The following GRM8 variants were observed in gnomAD, a reference collection of about 807,000 sequenced individuals.
GRM8 encodes metabotropic glutamate receptor 8.
GRM8 carries 47 observed loss-of-function variants against 87.2 expected under a neutral mutation model. That is an observed-to-expected ratio of 0.54 (90% confidence interval 0.43 to 0.69). The LOEUF is 0.69. Ranked by LOEUF, GRM8 falls within the 30% of genes least tolerant of loss-of-function variation. The probability of loss-of-function intolerance (pLI) is 0.00; values close to 1 mark genes in which losing one functional copy is unlikely to be tolerated. For synonymous variants in GRM8, 396 were observed against 404.5 expected (o/e 0.98, Z 0.25); for missense variants, 1,019 against 1,139.2 (o/e 0.89, Z 1.52).
intron 6 of GRM8, among the ~76,000 whole-genome samples, chr7:126,783,179 CT>C (rs1409759832): frequency 6.6e-6 from 1 of 152,130 alleles, no homozygotes; most frequent in Non-Finnish European, 1.5e-5. Flanking sequence ...GTATTATTTT[CT>C]CCCCCAATGA....
intron 8 of GRM8, among the ~76,000 whole-genome samples, chr7:126,549,860 T>C (rs572510568): frequency 6.6e-6 from 1 of 152,214 alleles, no homozygotes; most frequent in Admixed American, 6.5e-5. Flanking sequence ...CTGAAACATG[T>C]GAGAAACCTA....
chr7:127,101,392 C>A (rs1825231161), intron 3 of GRM8, among the ~76,000 whole-genome samples: 1 of 152,158 alleles, frequency 6.6e-6, no homozygotes, highest in African/African-American at 2.4e-5. Context: ...ATCTCATGTG[C>A]AATTGTAATC....
intron 3 of GRM8, among the ~76,000 whole-genome samples, chr7:127,065,357 G>A (rs1821005409): frequency 6.6e-6 from 1 of 152,122 alleles, no homozygotes; most frequent in African/African-American, 2.4e-5. Context: ...ACACACTAGA[G>A]GCTACTTGAG....
intron 7 of GRM8, among the ~76,000 whole-genome samples, chr7:126,661,088 T>C (rs1805111063): frequency 6.6e-6 from 1 of 152,154 alleles, no homozygotes. Context: ...TAAGACATAG[T>C]ATTTGATAGC....
intron 2 of GRM8, among the ~76,000 whole-genome samples, chr7:127,107,265 TCA>T (rs1178082067): frequency 6.6e-5 from 10 of 152,234 alleles, no homozygotes; most frequent in African/African-American, 2.4e-4. Flanking sequence ...ATTGATATAA[TCA>T]GAGTGCCACA....
chr7:127,117,104 A>T (rs1175359016), intron 2 of GRM8, among the ~76,000 whole-genome samples: 1 of 152,212 alleles, frequency 6.6e-6, no homozygotes, highest in African/African-American at 2.4e-5. Flanking sequence ...TACTTATATT[A>T]CTTATAAGCT....
At chr7:127,218,072 A>C (rs1796683809) in intron 2 of GRM8, among the ~76,000 whole-genome samples, 1 of 152,206 alleles carries the variant, frequency 6.6e-6, no homozygotes. Flanking sequence ...CATTGTCAAC[A>C]TTGGTAATGC....
intron 7 of GRM8, among the ~76,000 whole-genome samples, chr7:126,736,941 C>T (rs1563138004): frequency 1.3e-5 from 2 of 152,066 alleles, no homozygotes; most frequent in African/African-American, 2.4e-5. Flanking sequence ...TCTGACCTAA[C>T]GAACTCCATC....
intron 7 of GRM8, among the ~76,000 whole-genome samples, chr7:126,674,029 C>A (rs1806679572): frequency 6.6e-6 from 1 of 152,176 alleles, no homozygotes; most frequent in Non-Finnish European, 1.5e-5. Flanking sequence ...AAACTGCACT[C>A]CAGTTGAACA....
intron 2 of GRM8, among the ~76,000 whole-genome samples, chr7:127,187,600 AC>A (rs1794807416): frequency 6.6e-6 from 1 of 152,102 alleles, no homozygotes. Context: ...TTTGTCACAT[AC>A]GCGCATTTGG....
intron 10 of GRM8, among the ~76,000 whole-genome samples, chr7:126,440,368 G>A (rs767134480): frequency 6.4e-5 from 8 of 125,054 alleles, no homozygotes; most frequent in Non-Finnish European, 1.2e-4. Context: ...CCGAGATCGC[G>A]CCACTGCACA....
chr7:127,223,660 A>G (rs1797113466), intron 2 of GRM8, among the ~76,000 whole-genome samples: 1 of 152,004 alleles, frequency 6.6e-6, no homozygotes, highest in African/African-American at 2.4e-5. Flanking sequence ...CTGGTGGAGA[A>G]TCAGGTCTTA....
At chr7:127,040,555 T>C (rs1818329272) in intron 3 of GRM8, among the ~76,000 whole-genome samples, 1 of 151,764 alleles carries the variant, frequency 6.6e-6, no homozygotes, top group African/African-American at 2.4e-5. Flanking sequence ...TGAAGAATTA[T>C]AGCTACATAA....
intron 2 of GRM8, among the ~76,000 whole-genome samples, chr7:127,114,236 A>T (rs533844261): frequency 6.6e-6 from 1 of 152,206 alleles, no homozygotes; most frequent in African/African-American, 2.4e-5. Context: ...TAGTTGATTC[A>T]GAGCAGGATG....
chr7:127,192,997 G>A (rs1795101015), intron 2 of GRM8, among the ~76,000 whole-genome samples: 1 of 152,088 alleles, frequency 6.6e-6, no homozygotes, highest in South Asian at 2.1e-4. Flanking sequence ...TCCAAAGTCA[G>A]TGCGATCTCC....
At chr7:127,072,708 A>G (rs1030259343) in intron 3 of GRM8, among the ~76,000 whole-genome samples, 1 of 151,880 alleles carries the variant, frequency 6.6e-6, no homozygotes, top group Non-Finnish European at 1.5e-5. Flanking sequence ...GTAAGATGGA[A>G]TGAGTGAATG....
chr7:126,609,497 G>A lies in GRM8; in HGVS notation c.1359C>T (p.Gly453=), dbSNP rs1236954794. The change falls in exon 8 of 11, where the codon GGC becomes GGT. Residue 453 remains glycine, a splice_region_variant and synonymous_variant. Transcript: ENST00000339582. ...LGYIRAVNFN[G]SAGTPVTFNE... ...TAAAAGTGACAGGAGTGCCAGCACT[G>A]CCTATAAAGATTTAGAAAACAATGT... 2 of 1,607,542 alleles carry A rather than the reference G, an allele frequency of 1.2e-6. No homozygotes were observed. The highest frequency in any genetic ancestry group is 2.7e-5 in the African/African-American group (2 of 74,668).
chr7:127,014,929 GAGAGAGAGAGAGAGAA>G (rs1454704625), intron 3 of GRM8, among the ~76,000 whole-genome samples: 1 of 137,710 alleles, frequency 7.3e-6, no homozygotes, highest in African/African-American at 2.8e-5. Flanking sequence ...AAGAGAAGGA[GAGAGAGAGAGAGAGAA>G]AGAGAGAGAG....
chr7:127,212,344 C>T (rs966486782), intron 2 of GRM8, among the ~76,000 whole-genome samples: 2 of 150,674 alleles, frequency 1.3e-5, no homozygotes, highest in East Asian at 1.9e-4. Flanking sequence ...CAAGTTCATA[C>T]GGTATTTGAT....
Sources: allele counts gnomAD v4.1 joint callset (sites outside exome capture counted in the v4.1 genomes callset), GRCh38; gene constraint gnomAD v4.1.1; transcripts MANE v1.5; gene names NCBI Gene and HGNC (gene_info 2026-07-23, HGNC 2026-07-21).